Variants in SMYD3 observed in about 807,000 individuals in gnomAD.
SMYD3 encodes SET and MYND domain containing 3.
Under a neutral mutation model 57.7 loss-of-function variants are expected in SMYD3, and 36 were observed. The observed-to-expected ratio is 0.62, with a 90% CI of 0.48 to 0.82. SMYD3 has a LOEUF of 0.82. Among genes scored for constraint, SMYD3 ranks in the 40% least tolerant of loss-of-function variants. SMYD3 has a pLI of 0.00. For synonymous variants in SMYD3, 211 were observed against 195.0 expected (o/e 1.08, Z -0.68); for missense variants, 515 against 538.8 (o/e 0.96, Z 0.44).
At chr1:245,860,733 G>A (rs2051494844) in intron 9 of SMYD3, among the ~76,000 whole-genome samples, 1 of 152,236 alleles carries the variant, frequency 6.6e-6, no homozygotes, top group African/African-American at 2.4e-5. Flanking sequence ...CCTAGAGGTT[G>A]GGGGAAGCAG....
intron 8 of SMYD3, among the ~76,000 whole-genome samples, chr1:245,877,602 G>A (rs536878425): frequency 1.3e-5 from 2 of 152,294 alleles, no homozygotes; most frequent in East Asian, 3.9e-4. Context: ...AAGAGAAAAG[G>A]AACAATTCAA....
intron 10 of SMYD3, among the ~76,000 whole-genome samples, chr1:245,813,472 G>A (rs931026215): frequency 6.6e-6 from 1 of 152,278 alleles, no homozygotes; most frequent in African/African-American, 2.4e-5. Context: ...GGTTGTCTAT[G>A]CTACAGAATC....
At chr1:246,207,765 G>A (rs2063023720) in intron 5 of SMYD3, among the ~76,000 whole-genome samples, 1 of 152,116 alleles carries the variant, frequency 6.6e-6, no homozygotes, top group African/African-American at 2.4e-5. Context: ...GTGCCTGGTA[G>A]GGGAGAATTT....
intron 1 of SMYD3, chr1:246,426,053 A>C (rs1006522308): frequency 1.3e-5 from 2 of 152,200 alleles, no homozygotes; most frequent in African/African-American, 2.4e-5. Context: ...AGACTAGAAC[A>C]AGGAGTTTAA....
At chr1:245,944,796 T>A (rs547678279) in intron 5 of SMYD3, among the ~76,000 whole-genome samples, 2 of 152,104 alleles carry the variant, frequency 1.3e-5, no homozygotes, top group African/African-American at 4.8e-5. Context: ...AACAGACATA[T>A]AGACTAATGG....
At chr1:246,331,458 T>C (rs1489559390) in intron 3 of SMYD3, among the ~76,000 whole-genome samples, 1 of 152,214 alleles carries the variant, frequency 6.6e-6, no homozygotes, top group Non-Finnish European at 1.5e-5. Context: ...TACCATCTCA[T>C]ACCTCAGAGA....
chr1:246,486,358 C>T (rs1004549446), intron 1 of SMYD3, among the ~76,000 whole-genome samples: 1 of 152,120 alleles, frequency 6.6e-6, no homozygotes, highest in African/African-American at 2.4e-5. Flanking sequence ...TAGAAGATTC[C>T]ATACCCAAGT....
intron 10 of SMYD3, among the ~76,000 whole-genome samples, chr1:245,853,931 C>A (rs1434193275): frequency 6.6e-6 from 1 of 152,154 alleles, no homozygotes; most frequent in East Asian, 1.9e-4. Flanking sequence ...CTCTTATCAG[C>A]TTTCTTCTCC....
intron 5 of SMYD3, among the ~76,000 whole-genome samples, chr1:246,145,479 ATTAAAGACAAGTT>A (rs1465207216): frequency 1.3e-5 from 2 of 152,210 alleles, no homozygotes; most frequent in Non-Finnish European, 2.9e-5. Context: ...GCTTCACTGG[ATTAAAGACAAGTT>A]TTAAAGTGCT....
At chr1:246,354,156 G>T (rs910030219) in intron 2 of SMYD3, among the ~76,000 whole-genome samples, 1 of 152,066 alleles carries the variant, frequency 6.6e-6, no homozygotes, top group African/African-American at 2.4e-5. Flanking sequence ...TGGCAGGGAG[G>T]AGGCAAGTGA....
At chr1:246,432,121 T>C (rs113247064) in intron 1 of SMYD3, among the ~76,000 whole-genome samples, 2,611 of 152,350 alleles carry the variant, frequency 0.017, 36 homozygotes, top group Non-Finnish European at 0.026. Flanking sequence ...GTGAAAGTAC[T>C]ACCTCTCTAG....
intron 5 of SMYD3, among the ~76,000 whole-genome samples, chr1:246,066,475 G>C (rs1179333300): frequency 1.3e-5 from 2 of 152,092 alleles, no homozygotes; most frequent in East Asian, 3.9e-4. Flanking sequence ...TGAAAAGGTA[G>C]TGTGTCTAAA....
At chr1:245,867,874 A>G (rs1270215504) in intron 8 of SMYD3, among the ~76,000 whole-genome samples, 1 of 152,228 alleles carries the variant, frequency 6.6e-6, no homozygotes, top group African/African-American at 2.4e-5. Flanking sequence ...GCAAGTGCGG[A>G]CGCAGAAGCG....
At chr1:245,935,850 G>C (rs1572734593) in intron 5 of SMYD3, among the ~76,000 whole-genome samples, 1 of 152,164 alleles carries the variant, frequency 6.6e-6, no homozygotes, top group East Asian at 1.9e-4. Context: ...CATAGTAATA[G>C]AGTATAATGG....
At chr1:246,073,695 T>A (rs900187071) in intron 5 of SMYD3, among the ~76,000 whole-genome samples, 3 of 152,144 alleles carry the variant, frequency 2.0e-5, no homozygotes, top group Admixed American at 1.3e-4. Context: ...CCAGCCTAGG[T>A]GACAGGGCAA....
intron 5 of SMYD3, among the ~76,000 whole-genome samples, chr1:246,263,680 TTC>T (rs2064053019): frequency 6.6e-6 from 1 of 152,242 alleles, no homozygotes; most frequent in South Asian, 2.1e-4. Flanking sequence ...AATTACTGAT[TTC>T]TTTTTGTACA....
At chr1:246,267,863 T>C (rs1034718774) in intron 5 of SMYD3, among the ~76,000 whole-genome samples, 1 of 152,230 alleles carries the variant, frequency 6.6e-6, no homozygotes, top group Admixed American at 6.5e-5. Context: ...TCAACAGATT[T>C]CTATTCCCAA....
chr1:246,111,525 T>TCTTTTTGATACA (rs1216282171), intron 5 of SMYD3: 1 of 152,222 alleles, frequency 6.6e-6, no homozygotes, highest in African/African-American at 2.4e-5. Context: ...AGAAGTCTAC[T>TCTTTTTGATACA]CAAGGTGTGT....
intron 1 of SMYD3, among the ~76,000 whole-genome samples, chr1:246,498,269 G>A (rs116004154): frequency 6.6e-6 from 1 of 152,210 alleles, no homozygotes; most frequent in African/African-American, 2.4e-5. Flanking sequence ...CAAAATACTG[G>A]AAATTGCCTA....
Sources: allele counts gnomAD v4.1 joint callset (sites outside exome capture counted in the v4.1 genomes callset), GRCh38; gene constraint gnomAD v4.1.1; transcripts MANE v1.5; gene names NCBI Gene and HGNC (gene_info 2026-07-23, HGNC 2026-07-21).